Variants in RTN3 observed in about 807,000 individuals in gnomAD.
RTN3 encodes reticulon-3.
A neutral mutation model predicts 77.8 loss-of-function variants in RTN3; 49 were observed. The observed-to-expected ratio is 0.63, with a 90% CI of 0.50 to 0.80. The LOEUF (loss-of-function observed/expected upper bound fraction) is 0.80, where lower values mean the gene tolerates loss of function less well. Among genes scored for constraint, RTN3 ranks in the 30% least tolerant of loss-of-function variants. RTN3 has a pLI of 0.00. For missense variants in RTN3, 1,236 were observed against 1,211.9 expected (o/e 1.02, Z -0.29); for synonymous variants, 464 against 446.9 (o/e 1.04, Z -0.48).
intron 2 of RTN3, among the ~76,000 whole-genome samples, chr11:63,708,037 A>C (rs1942581588): frequency 6.6e-6 from 1 of 152,180 alleles, no homozygotes; most frequent in African/African-American, 2.4e-5. Context: ...GTTGTTTTCT[A>C]GGGTAGCCAA....
At chr11:63,684,444 G>A (rs759232613) in intron 1 of RTN3, among the ~76,000 whole-genome samples, 1 of 151,934 alleles carries the variant, frequency 6.6e-6, no homozygotes, top group South Asian at 2.1e-4. Flanking sequence ...ACCACACACG[G>A]CCCACACCTG....
intron 3 of RTN3, among the ~76,000 whole-genome samples, chr11:63,738,486 T>A (rs1477364676): frequency 6.6e-6 from 1 of 151,782 alleles, no homozygotes; most frequent in Non-Finnish European, 1.5e-5. Flanking sequence ...ACAAAAAATT[T>A]AAAAAATTAG....
At position 63,696,436 on chromosome 11, in the gene RTN3, G is replaced by A. The variant is rs543733903; in HGVS notation, c.143-8415G>A. 3.9e-5 allele frequency among the ~76,000 whole-genome samples: 6 copies of A among 152,032 alleles called. No individual in the cohort carries two copies. In the East Asian group the frequency reaches 9.7e-4, roughly 25 times the overall value. On this transcript the variant is annotated intron_variant, in intron 1 of 8. Transcript: ENST00000377819. ...AGAATATTGTGATGAAGCCAGGTGC[G>A]GTGGCTCACGCCTGTAATCCCAGCA...
At chr11:63,734,762 CACACACACACACACACACA>C (rs1565333333) in intron 3 of RTN3, among the ~76,000 whole-genome samples, 12 of 150,598 alleles carry the variant, frequency 8.0e-5, no homozygotes, top group East Asian at 4.0e-4. Flanking sequence ...CACACACACA[CACACACACACACACACACA>C]CCATACTGGA....
chr11:63,698,808 T>A (rs1412370161), intron 1 of RTN3: 1 of 167,926 alleles, frequency 6.0e-6, no homozygotes, highest in Admixed American at 6.5e-5. Flanking sequence ...GTAAAACTTC[T>A]GTATTTCTTC....
intron 7 of RTN3, among the ~76,000 whole-genome samples, chr11:63,755,687 C>T (rs2014341037): frequency 7.5e-6 from 1 of 133,864 alleles, no homozygotes; most frequent in African/African-American, 2.8e-5. Context: ...AGGCTGGGCA[C>T]AGTGGCTCAT....
At chr11:63,749,436 CT>C (rs1355216347) in intron 3 of RTN3, among the ~76,000 whole-genome samples, 1 of 152,154 alleles carries the variant, frequency 6.6e-6, no homozygotes, top group African/African-American at 2.4e-5. Flanking sequence ...TTCTTTGCCC[CT>C]GCCCCAATTT....
At chr11:63,738,976 C>G (rs746900452) in intron 3 of RTN3, among the ~76,000 whole-genome samples, 1 of 151,938 alleles carries the variant, frequency 6.6e-6, no homozygotes, top group Non-Finnish European at 1.5e-5. Flanking sequence ...CTGCAGCCGG[C>G]GTCCTTAAAT....
intron 1 of RTN3, among the ~76,000 whole-genome samples, chr11:63,699,260 C>G (rs1363556209): frequency 1.3e-5 from 2 of 151,492 alleles, no homozygotes; most frequent in African/African-American, 4.9e-5. Context: ...GAAATCACAC[C>G]ACTGTACTCC....
chr11:63,748,661 C>CTTTT (rs561644667), intron 3 of RTN3, among the ~76,000 whole-genome samples: 2 of 105,924 alleles, frequency 1.9e-5, no homozygotes, highest in Non-Finnish European at 3.7e-5. Context: ...GCCCCACTCA[C>CTTTT]TTTTTTTTTT....
In RTN3 at chr11:63,719,179, ATTCT is replaced by A. The variant is rs2011575016; in HGVS notation, c.680_683del (p.Ser227CysfsTer23). 6.2e-7 allele frequency: 1 copy of A among 1,614,104 alleles called. No individual in the cohort carries two copies. The highest frequency in any genetic ancestry group is 8.5e-7 in the Non-Finnish European group (1 of 1,180,042). On this transcript the variant is annotated frameshift_variant, in exon 3 of 9. Transcript: ENST00000377819. LOFTEE classifies it high-confidence loss of function. ...TCTAAGGTAGAAGGCATTTATACAT[ATTCT>A]TTGTCTCCATCCAAAGTTTCAGGAG... is the stretch of plus-strand genomic sequence containing the variant.
chr11:63,708,962 A>G (rs1209101750), intron 2 of RTN3, among the ~76,000 whole-genome samples: 6 of 152,238 alleles, frequency 3.9e-5, no homozygotes, highest in Non-Finnish European at 8.8e-5. Flanking sequence ...TAAACTTCAC[A>G]TGAATCATCT....
At chr11:63,745,061 A>T (rs1488329370) in intron 3 of RTN3, among the ~76,000 whole-genome samples, 1 of 152,158 alleles carries the variant, frequency 6.6e-6, no homozygotes, top group Non-Finnish European at 1.5e-5. Context: ...ACACACTAGA[A>T]CTAGTGTAAG....
intron 3 of RTN3, among the ~76,000 whole-genome samples, chr11:63,736,503 A>G (rs1233940246): frequency 6.6e-6 from 1 of 152,184 alleles, no homozygotes; most frequent in Admixed American, 6.5e-5. Flanking sequence ...TCTGGCCAAC[A>G]TGGTGAAACC....
chr11:63,714,289 GATA>G (rs1290773131), intron 2 of RTN3: 1 of 342,402 alleles, frequency 2.9e-6, no homozygotes, highest in Non-Finnish European at 5.7e-6. Context: ...AAGCTTGATT[GATA>G]GTAATGATTA....
intron 1 of RTN3, among the ~76,000 whole-genome samples, chr11:63,684,900 C>T (rs1226801029): frequency 6.6e-6 from 1 of 151,780 alleles, no homozygotes; most frequent in East Asian, 2.0e-4. Flanking sequence ...GGTGGGATTA[C>T]AGACATGCAC....
At chr11:63,713,558 G>A (rs1012824494) in intron 2 of RTN3, among the ~76,000 whole-genome samples, 1 of 152,036 alleles carries the variant, frequency 6.6e-6, no homozygotes, top group Non-Finnish European at 1.5e-5. Context: ...CTGTCTCCCT[G>A]CCTTGGCTTC....
chr11:63,727,876 T>C (rs1266616932), intron 3 of RTN3, among the ~76,000 whole-genome samples: 6 of 152,124 alleles, frequency 3.9e-5, no homozygotes, highest in African/African-American at 1.2e-4. Flanking sequence ...GCTGAAATTT[T>C]CTTAAATTTT....
intron 1 of RTN3, among the ~76,000 whole-genome samples, chr11:63,682,282 A>G (rs1338110117): frequency 6.6e-6 from 1 of 152,184 alleles, no homozygotes; most frequent in African/African-American, 2.4e-5. Flanking sequence ...TTGGCTGCCC[A>G]TGGGAAGGAT....
Sources: gnomAD v4.1 joint callset for allele counts (sites outside exome capture counted in the v4.1 genomes callset) on GRCh38, gnomAD v4.1.1 for gene constraint, MANE v1.5 for transcripts, NCBI Gene and HGNC (gene_info 2026-07-23, HGNC 2026-07-21) for gene names.